Variants in PAK6 observed in about 807,000 individuals in gnomAD.
The protein encoded by PAK6 is serine/threonine-protein kinase PAK 6.
Under a neutral mutation model 60.8 loss-of-function variants are expected in PAK6, and 33 were observed. The observed-to-expected ratio is 0.54, with a 90% CI of 0.41 to 0.73. The LOEUF is 0.73. PAK6 is among the 30% of genes least tolerant of loss of function. PAK6 has a pLI of 0.00. For missense variants in PAK6, 845 were observed against 904.1 expected (o/e 0.93, Z 0.84); for synonymous variants, 404 against 378.5 (o/e 1.07, Z -0.78).
intron 3 of PAK6, among the ~76,000 whole-genome samples, chr15:40,257,677 G>A (rs2038874406): frequency 2.0e-5 from 3 of 152,134 alleles, no homozygotes; most frequent in East Asian, 1.9e-4. Flanking sequence ...GAGGTTTAAC[G>A]GCAGGCATCC....
chr15:40,274,858 G>A (rs2039405571), intron 10 of PAK6, among the ~76,000 whole-genome samples: 1 of 152,192 alleles, frequency 6.6e-6, no homozygotes, highest in Admixed American at 6.5e-5. Flanking sequence ...CCTGCTGGCA[G>A]GTCAGCACGG....
intron 3 of PAK6, chr15:40,260,093 G>A (rs1404401769): frequency 2.6e-5 from 4 of 152,084 alleles, no homozygotes; most frequent in Non-Finnish European, 5.9e-5. Flanking sequence ...CATGACTGTG[G>A]ACAGGTTTAG....
intron 10 of PAK6, among the ~76,000 whole-genome samples, chr15:40,275,507 G>A (rs2039432844): frequency 1.3e-5 from 2 of 151,850 alleles, no homozygotes; most frequent in Non-Finnish European, 2.9e-5. Context: ...GCTGGTCTAC[G>A]AACTCCTGAC....
intron 2 of PAK6, among the ~76,000 whole-genome samples, chr15:40,248,878 G>T (rs1246747292): frequency 6.6e-6 from 1 of 152,234 alleles, no homozygotes; most frequent in African/African-American, 2.4e-5. Context: ...CTAAGCAGCA[G>T]AGTTGAGAGA....
intron 2 of PAK6, chr15:40,252,242 A>C: frequency 8.4e-7 from 1 of 1,193,018 alleles, no homozygotes. Flanking sequence ...TGGAGCGTGC[A>C]TCTGCGATGC....
chr15:40,252,331 G>A (rs1253561838), intron 2 of PAK6: 3 of 1,276,894 alleles, frequency 2.3e-6, no homozygotes, highest in Admixed American at 2.5e-5. Flanking sequence ...CCACTGGGCC[G>A]TGGAGCCGCA....
At chr15:40,273,032 AGGC>A (rs759044316) in intron 7 of PAK6, 33 bp downstream of exon 7, 5 of 1,609,276 alleles carry the variant, frequency 3.1e-6, no homozygotes, top group Non-Finnish European at 3.4e-6. Context: ...CCCTGAGTGC[AGGC>A]TGCCCTCACC....
intron 3 of PAK6, among the ~76,000 whole-genome samples, chr15:40,264,118 A>G (rs1306891518): frequency 1.3e-5 from 2 of 152,284 alleles, no homozygotes; most frequent in East Asian, 1.9e-4. Flanking sequence ...TCCCTGATAC[A>G]TAATAGTCCC....
At chr15:40,253,553 T>C (rs1159308147) in intron 3 of PAK6, among the ~76,000 whole-genome samples, 6 of 152,238 alleles carry the variant, frequency 3.9e-5, no homozygotes, top group Non-Finnish European at 8.8e-5. Context: ...CCCGGGCCCA[T>C]CTTCAGGTCT....
chr15:40,249,377 A>G (rs1280191777), intron 2 of PAK6, among the ~76,000 whole-genome samples: 1 of 152,160 alleles, frequency 6.6e-6, no homozygotes, highest in African/African-American at 2.4e-5. Context: ...TTCTTTAACC[A>G]CTCCGAGCCT....
At chr15:40,262,971 A>C (rs770943855) in intron 3 of PAK6, among the ~76,000 whole-genome samples, 1 of 152,230 alleles carries the variant, frequency 6.6e-6, no homozygotes. Flanking sequence ...GGTCCTGTAC[A>C]TGTGGCTCTA....
chr15:40,262,999 G>T (rs909801828), intron 3 of PAK6, among the ~76,000 whole-genome samples: 6 of 152,176 alleles, frequency 3.9e-5, no homozygotes, highest in Non-Finnish European at 8.8e-5. Context: ...GGGGTGTTCG[G>T]TGGATCCCGA....
intron 3 of PAK6, among the ~76,000 whole-genome samples, chr15:40,256,311 G>C (rs1274346609): frequency 3.9e-5 from 6 of 152,162 alleles, no homozygotes; most frequent in Admixed American, 6.5e-5. Context: ...TCCAGTGAAA[G>C]GCTGTCTTCT....
chr15:40,240,532 G>A (rs1258376201), intron 1 of PAK6, 67 bp from the exon 2 acceptor site: 1 of 411,024 alleles, frequency 2.4e-6, no homozygotes, highest in African/African-American at 2.1e-5. Context: ...AGAAGAGGCT[G>A]GGTGAGAAAA....
intron 2 of PAK6, among the ~76,000 whole-genome samples, chr15:40,250,355 G>C (rs900500365): frequency 6.6e-6 from 1 of 152,204 alleles, no homozygotes; most frequent in African/African-American, 2.4e-5. Context: ...GACGAGACTG[G>C]AAGTGCAGAA....
At chr15:40,250,010 C>T (rs559431355) in intron 2 of PAK6, among the ~76,000 whole-genome samples, 83 of 152,374 alleles carry the variant, frequency 5.4e-4, no homozygotes, top group Admixed American at 2.6e-3. Flanking sequence ...GCAGCCAAGG[C>T]TCCTCAAAGG....
chr15:40,263,240 G>A (rs757780257), intron 3 of PAK6, among the ~76,000 whole-genome samples: 1 of 152,188 alleles, frequency 6.6e-6, no homozygotes, highest in African/African-American at 2.4e-5. Flanking sequence ...CCAGATCTTC[G>A]GGCGGATGAG....
At chr15:40,252,662 TCG>T in intron 2 of PAK6, 1 of 1,320,100 alleles carries the variant, frequency 7.6e-7, no homozygotes, top group Admixed American at 2.2e-5. Context: ...CACGACCTCT[TCG>T]AGCGTTCCTG....
chr15:40,266,069 C>T (rs34608644), exon 5 of PAK6: 2 of 1,610,486 alleles, frequency 1.2e-6, no homozygotes, highest in Non-Finnish European at 1.7e-6. Context: ...ACGGCCTCTA[C>T]CTCAGCTGCA....
Sources: gnomAD v4.1 joint callset for allele counts (sites outside exome capture counted in the v4.1 genomes callset) on GRCh38, gnomAD v4.1.1 for gene constraint, MANE v1.5 for transcripts, NCBI Gene and HGNC (gene_info 2026-07-23, HGNC 2026-07-21) for gene names.